Variants in SP3 observed in about 807,000 individuals in gnomAD.
SP3 encodes the protein transcription factor Sp3.
SP3 carries 10 observed loss-of-function variants against 70.3 expected under a neutral mutation model. That is an observed-to-expected ratio of 0.14 (90% CI 0.09 to 0.24). The LOEUF is 0.24. Among genes scored for constraint, SP3 ranks in the 10% least tolerant of loss-of-function variants. The pLI is 1.00. For missense variants in SP3, 825 were observed against 914.6 expected (o/e 0.90, Z 1.26); for synonymous variants, 402 against 333.5 (o/e 1.21, Z -2.24).
intron 4 of SP3, among the ~76,000 whole-genome samples, chr2:173,945,161 T>C (rs1690502989): frequency 6.6e-6 from 1 of 152,218 alleles, no homozygotes. Context: ...GAACACTATT[T>C]TTCCATAGAA....
At position 173,906,821 on chromosome 2, in the gene SP3, C is replaced by T. The variant is rs2105448809; in HGVS notation, c.*3120G>A. On this transcript the variant is annotated 3_prime_UTR_variant, in exon 7 of 7. Coordinates refer to ENST00000310015, the MANE Select transcript of SP3 (RefSeq NM_003111.5). ...GCTGTTTCAAAACACATATACACTC[C>T]ATCTCCAGAGATGTTGATTTAGTAA... The T allele has an allele frequency of 6.6e-6, 1 of 152,274 alleles. No homozygotes were observed. Among genetic ancestry groups the T allele is most frequent in the Non-Finnish European group, 1.5e-5 (1 of 68,016 alleles). The allele number at this position is 152,274 out of a possible 1,614,324, so 9.4% of individuals were successfully genotyped here.
chr2:173,951,351 T>C (rs1042533683), intron 4 of SP3, among the ~76,000 whole-genome samples: 1 of 152,250 alleles, frequency 6.6e-6, no homozygotes, highest in Non-Finnish European at 1.5e-5. Flanking sequence ...TCATGTAGTA[T>C]ATGTGTATAC....
intron 5 of SP3, chr2:173,914,264 A>G (rs958140619): frequency 2.0e-5 from 3 of 152,076 alleles, no homozygotes; most frequent in Non-Finnish European, 4.4e-5. Context: ...AAACTTTACA[A>G]TGTTTCTGAG....
intron 4 of SP3, among the ~76,000 whole-genome samples, chr2:173,932,547 A>T (rs1690095520): frequency 6.6e-6 from 1 of 152,156 alleles, no homozygotes; most frequent in South Asian, 2.1e-4. Flanking sequence ...GAGGAGAAAG[A>T]TGAGGAAACG....
At chr2:173,925,769 A>T (rs967102126) in intron 4 of SP3, among the ~76,000 whole-genome samples, 1 of 152,164 alleles carries the variant, frequency 6.6e-6, no homozygotes, top group Admixed American at 6.5e-5. Flanking sequence ...TTGTCCCCAT[A>T]AGCTTTAGGG....
rs1689376462 is a variant in SP3 at position 173,907,983 on chromosome 2, G to A, written c.*1958C>T. On this transcript the variant is annotated 3_prime_UTR_variant, in exon 7 of 7. Transcript: ENST00000310015. The stretch of plus-strand genomic sequence containing the variant: ...GACTGGGCCTGGAAAACAGAAAATG[G>A]ACATCTTTACCCCCACTGTATACAT... 6.6e-6 allele frequency: 1 copy of A among 152,002 alleles called. No individual in the cohort carries two copies. The allele number at this position is 152,002 out of a possible 1,614,324, so 9.4% of individuals were successfully genotyped here. A position where few individuals can be genotyped will look rare whatever the true frequency, so the allele number is the denominator to read the frequency against.
At chr2:173,947,610 T>C (rs886177863) in intron 4 of SP3, among the ~76,000 whole-genome samples, 1 of 152,230 alleles carries the variant, frequency 6.6e-6, no homozygotes, top group African/African-American at 2.4e-5. Context: ...CTATTGCTTC[T>C]TTTATCTCAC....
At chr2:173,912,339 T>C (rs954347048) in intron 6 of SP3, among the ~76,000 whole-genome samples, 3 of 152,248 alleles carry the variant, frequency 2.0e-5, no homozygotes, top group Non-Finnish European at 4.4e-5. Flanking sequence ...TGGATTGGAA[T>C]CCAGATGACT....
At position 173,965,273 on chromosome 2, in the gene SP3, A is replaced by C; in HGVS notation, c.-102T>G. On this transcript the variant is annotated 5_prime_UTR_variant, in exon 1 of 7. Transcript: ENST00000310015. ...GAGGATGCGGGAAGCGGCGGCGGACACGGCCGGAGCGGTCCGGGGATTTTT... is the reference window on the plus strand; with the variant it reads ...GAGGATGCGGGAAGCGGCGGCGGACCCGGCCGGAGCGGTCCGGGGATTTTT... 1 of 1,363,366 alleles carries C rather than the reference A, an allele frequency of 7.3e-7. No individual in the cohort carries two copies. The highest frequency in any genetic ancestry group is 2.1e-5 in the Admixed American group (1 of 47,758). The allele number at this position is 1,363,366 out of a possible 1,614,324, so 84.5% of individuals were successfully genotyped here.
At chr2:173,963,235 G>A in intron 3 of SP3, 1 of 152,096 alleles carries the variant, frequency 6.6e-6, no homozygotes, top group Non-Finnish European at 1.5e-5. Flanking sequence ...GATTTTGAAT[G>A]GTCAACTAAA....
Position 173,906,497 on chromosome 2 carries a change from T to C in SP3, c.*3444A>G, listed in dbSNP as rs1031974465. 6.6e-6 allele frequency: 1 copy of C among 152,188 alleles called. No homozygotes were observed. Among genetic ancestry groups the C allele is most frequent in the African/African-American group, 2.4e-5 (1 of 41,432 alleles). The allele number at this position is 152,188 out of a possible 1,614,324, so 9.4% of individuals were successfully genotyped here. A position where few individuals can be genotyped will look rare whatever the true frequency, so the allele number is the denominator to read the frequency against. The stretch of plus-strand genomic sequence containing the variant: ...TACTGTTTAGTGAAAAATAATTCTT[T>C]TACAACAAAAACGATTGTTACCAGC... On this transcript the variant is annotated 3_prime_UTR_variant, in exon 7 of 7. Transcript: ENST00000310015.
In SP3 at chr2:173,918,765, C is replaced by G; in HGVS notation, c.1660G>C (p.Glu554Gln). Residue 554 changes from glutamate to glutamine, a missense_variant, in exon 5 of 7, where the codon GAA becomes CAA. By Grantham distance (29) the Glu-to-Gln change is conservative. This residue lies in a region of SP3 where 678 missense variants were observed against 651.6 expected (regional missense o/e 1.04). Coordinates refer to ENST00000310015, the MANE Select transcript of SP3 (RefSeq NM_003111.5). ...AGCTGCCACTCTTCAGGATCAGGTT[C>G]TTCTTCCTTGATCCTAATATCTAAA... ...SPADIRIKEEEPDPEEWQLSG... is the reference protein window; with the variant it reads ...SPADIRIKEEQPDPEEWQLSG... 6.2e-7 allele frequency: 1 copy of G among 1,612,006 alleles called. No homozygotes were observed. Among genetic ancestry groups the G allele is most frequent in the Non-Finnish European group, 8.5e-7 (1 of 1,178,962 alleles).
In SP3 at chr2:173,940,303, G is replaced by T. The variant is rs151272971; in HGVS notation, c.1639+14570C>A. 3.3e-3 allele frequency among the ~76,000 whole-genome samples: 500 copies of T among 152,280 alleles called. 3 individuals carry two copies. Among genetic ancestry groups the T allele is most frequent in the Middle Eastern group, 0.02 (6 of 294 alleles). On this transcript the variant is annotated intron_variant, in intron 4 of 6. Transcript: ENST00000310015. ...AGGGTGAAACTGTTCCACTCACTCA[G>T]ATCATTAGGTATTAGATTTTTCATA...
In SP3 at chr2:173,964,472, T is replaced by G. The variant is rs1379829667; in HGVS notation, c.89A>C (p.His30Pro). 1 of 627,272 alleles carries G rather than the reference T, an allele frequency of 1.6e-6. No individual in the cohort carries two copies. The highest frequency in any genetic ancestry group is 3.0e-6 in the Non-Finnish European group (1 of 333,232). The allele number at this position is 627,272 out of a possible 1,614,324, so 38.9% of individuals were successfully genotyped here. ...SGGGGGGGGG[H>P]GEYLQQQQQH... Reference sequence around the variant, plus strand: ...TTGCTGCTGCTGCAGATACTCGCCGTGGCCGCCGCCGCCGCCACCGCCGCC... The same window carrying G: ...TTGCTGCTGCTGCAGATACTCGCCGGGGCCGCCGCCGCCGCCACCGCCGCC... The change falls in exon 2 of 7, where the codon CAC becomes CCC. Residue 30 changes from histidine (H) to proline (P), a missense_variant. Physicochemically the swap from His to Pro is moderately conservative, Grantham distance 77. This residue lies in a region of SP3 where 678 missense variants were observed against 651.6 expected (regional missense o/e 1.04). Transcript: ENST00000310015.
chr2:173,918,551 T>C, intron 5 of SP3, 42 bp downstream of exon 5: 1 of 1,560,742 alleles, frequency 6.4e-7, no homozygotes, highest in Non-Finnish European at 8.7e-7. Context: ...CAGAATGATA[T>C]TAGCACTCTT....
chr2:173,965,529 G>A (rs1304379368), upstream of SP3: 2 of 265,748 alleles, frequency 7.5e-6, no homozygotes, highest in East Asian at 9.6e-5. Flanking sequence ...ATGAGCGGCC[G>A]TGGCAGCGTA....
At chr2:173,964,361 G>A (rs1421901045) in intron 2 of SP3, 44 bp downstream of exon 2, 1 of 662,054 alleles carries the variant, frequency 1.5e-6, no homozygotes, top group Non-Finnish European at 2.7e-6. Context: ...GGAGGAGAAA[G>A]CGGCGCGAGG....
In SP3 at chr2:173,904,775, A is replaced by G. The variant is rs1658098763; in HGVS notation, c.*5166T>C. Among the ~76,000 whole-genome samples the G allele has an allele frequency of 6.6e-6, 1 of 152,256 alleles. No homozygotes were observed. The highest frequency in any genetic ancestry group is 2.1e-4 in the South Asian group (1 of 4,832). On this transcript the variant is annotated 3_prime_UTR_variant, in exon 7 of 7. Coordinates refer to ENST00000310015, the MANE Select transcript of SP3 (RefSeq NM_003111.5). ...GAGAAGGGATGTAAGTCGGACAGAT[A>G]TCCTAAAAGGTCACTAAGCCAATAC... is the stretch of plus-strand genomic sequence containing the variant.
intron 4 of SP3, among the ~76,000 whole-genome samples, chr2:173,936,758 G>A (rs567780622): frequency 1.3e-5 from 2 of 150,772 alleles, no homozygotes; most frequent in South Asian, 2.1e-4. Flanking sequence ...AATATCTTAC[G>A]AACCATTTTT....
Sources: allele counts gnomAD v4.1 joint callset (sites outside exome capture counted in the v4.1 genomes callset), GRCh38; gene constraint gnomAD v4.1.1; regional missense constraint gnomAD v4.1.1; transcripts MANE v1.5; gene names NCBI Gene and HGNC (gene_info 2026-07-23, HGNC 2026-07-21).